The following RAPGEF4 variants were observed in gnomAD, a reference collection of about 807,000 sequenced individuals.
The protein encoded by RAPGEF4 is Rap guanine nucleotide exchange factor 4.
RAPGEF4 carries 66 observed loss-of-function variants against 147.9 expected under a neutral mutation model. The observed-to-expected ratio is 0.45, with a 90% CI of 0.37 to 0.55. The LOEUF is 0.55. Among genes scored for constraint, RAPGEF4 ranks in the 20% least tolerant of loss-of-function variants. The pLI, the probability that RAPGEF4 is intolerant of heterozygous loss-of-function variation, is 0.00. For synonymous variants in RAPGEF4, 419 were observed against 442.7 expected, an observed-to-expected ratio of 0.95 and a Z score of 0.67; for missense variants, 1,071 against 1,257.3, an observed-to-expected ratio of 0.85 and a Z score of 2.24.
chr2:173,024,803 C>T (rs1696501740), intron 23 of RAPGEF4, among the ~76,000 whole-genome samples: 1 of 152,182 alleles, frequency 6.6e-6, no homozygotes, highest in Admixed American at 6.5e-5. Context: ...ACACAAACTC[C>T]TAATCTGGTA....
At position 172,784,256 on chromosome 2, in the gene RAPGEF4, C is replaced by A. The variant is rs113307145; in HGVS notation, c.66-10769C>A. Reference sequence around the variant, plus strand: ...TTCCTGAGCCTGGAGCGGTGGCTCACGCCTGTAATCCCAGCACTTTGGGAA... The same window carrying A: ...TTCCTGAGCCTGGAGCGGTGGCTCAAGCCTGTAATCCCAGCACTTTGGGAA... On this transcript the variant is annotated intron_variant, in intron 1 of 30. Coordinates refer to ENST00000397081, the MANE Select transcript of RAPGEF4 (RefSeq NM_007023.4). Among the ~76,000 whole-genome samples, 189 of 152,258 alleles carry A rather than the reference C, an allele frequency of 1.2e-3. 1 individual carries two copies. Among genetic ancestry groups the A allele is most frequent in the African/African-American group, 4.0e-3 (165 of 41,554 alleles).
At chr2:172,841,832 A>G (rs1287772283) in intron 4 of RAPGEF4, among the ~76,000 whole-genome samples, 2 of 67,314 alleles carry the variant, frequency 3.0e-5, no homozygotes, top group Admixed American at 1.8e-4. Context: ...CACACACTAC[A>G]CACACACTAC....
chr2:172,986,208 C>G (rs1315142254), intron 12 of RAPGEF4, among the ~76,000 whole-genome samples: 1 of 152,232 alleles, frequency 6.6e-6, no homozygotes, highest in African/African-American at 2.4e-5. Context: ...TCACAGGACA[C>G]AGCAGCATGC....
At chr2:172,953,363 TAGAG>T (rs947522446) in intron 6 of RAPGEF4, among the ~76,000 whole-genome samples, 4 of 147,748 alleles carry the variant, frequency 2.7e-5, no homozygotes, top group African/African-American at 4.9e-5. Context: ...TATATATGTA[TAGAG>T]AGAATTATAT....
At chr2:172,983,437 G>A (rs1575440250) in intron 10 of RAPGEF4, 59 bp from the exon 11 acceptor site, 1 of 1,560,324 alleles carries the variant, frequency 6.4e-7, no homozygotes, top group East Asian at 2.2e-5. Flanking sequence ...CCGTTTCCAT[G>A]TTTGAGGCCC....
chr2:172,761,991 G>A (rs1158991742), intron 1 of RAPGEF4, among the ~76,000 whole-genome samples: 2 of 152,008 alleles, frequency 1.3e-5, no homozygotes, highest in African/African-American at 4.8e-5. Flanking sequence ...GGGTGGTAAC[G>A]AGCACCTGTA....
At chr2:172,739,456 C>T (rs1694114155) in intron 1 of RAPGEF4, among the ~76,000 whole-genome samples, 1 of 152,074 alleles carries the variant, frequency 6.6e-6, no homozygotes, top group East Asian at 1.9e-4. Flanking sequence ...ACTGCAACCT[C>T]CCCCTCCTGG....
chr2:172,891,675 G>A (rs528803669), intron 4 of RAPGEF4, among the ~76,000 whole-genome samples: 17 of 152,316 alleles, frequency 1.1e-4, no homozygotes, highest in Non-Finnish European at 2.5e-4. Flanking sequence ...GGTGCCTGAC[G>A]TCCTTTTCAA....
chr2:172,915,147 A>G (rs552594754), intron 4 of RAPGEF4, among the ~76,000 whole-genome samples: 2 of 152,346 alleles, frequency 1.3e-5, no homozygotes, highest in Admixed American at 6.5e-5. Context: ...ATTTACAAGT[A>G]TAAATATTTC....
At chr2:172,767,809 G>A (rs192323828) in intron 1 of RAPGEF4, among the ~76,000 whole-genome samples, 51 of 152,184 alleles carry the variant, frequency 3.4e-4, no homozygotes, top group African/African-American at 1.2e-3. Context: ...GATGACACTA[G>A]GTTCCAGAGT....
chr2:172,739,618 G>C (rs754334409), intron 1 of RAPGEF4, among the ~76,000 whole-genome samples: 2 of 152,132 alleles, frequency 1.3e-5, no homozygotes, highest in Non-Finnish European at 2.9e-5. Flanking sequence ...TGATCCGCTC[G>C]CCTTGGCCTC....
chr2:173,036,787 T>A, intron 29 of RAPGEF4, 95 bp downstream of exon 29: 1 of 830,580 alleles, frequency 1.2e-6, no homozygotes, highest in Non-Finnish European at 1.9e-6. Context: ...TATGCTGCCC[T>A]GCTAAAAAGG....
Position 173,020,621 on chromosome 2 carries a change from A to C in RAPGEF4, c.2159A>C (p.Lys720Thr), listed in dbSNP as rs760882869. Residue 720 changes from lysine (K) to threonine (T), a missense_variant, in exon 23 of 31, where the codon AAG (lysine) becomes ACG (threonine). By Grantham distance (78) the Lys-to-Thr change is moderately conservative (BLOSUM62 -1). Coordinates refer to ENST00000397081, the MANE Select transcript of RAPGEF4 (RefSeq NM_007023.4). ...IIVKMSSGGE[K>T]VVLKPNDVSV... is the part of the protein sequence containing the mutation. ...CTCATGCTTTTTATGTTCACAGAAAAGGTGGTGCTCAAACCTAATGATGTT... is the reference window on the plus strand; with the variant it reads ...CTCATGCTTTTTATGTTCACAGAAACGGTGGTGCTCAAACCTAATGATGTT... The C allele has an allele frequency of 1.2e-6, 2 of 1,612,370 alleles. No individual in the cohort carries two copies. The highest frequency in any genetic ancestry group is 3.3e-5 in the Admixed American group (2 of 59,844).
chr2:173,014,598 C>T lies in RAPGEF4; in HGVS notation c.1793C>T (p.Ser598Phe). ...YGDLLQEDDV[S>F]MAFLEEFYVS... ...GACCTCCTGCAAGAGGATGACGTGT[C>T]TATGGCCTTCCTGGAGGTAGGCAGG... is the stretch of plus-strand genomic sequence containing the variant. The change falls in exon 18 of 31, where the codon TCT becomes TTT. Residue 598 changes from serine (S) to phenylalanine (F), a missense_variant. Ser to Phe is a radical substitution (Grantham distance 155). Transcript: ENST00000397081. 1 of 1,613,324 alleles carries T rather than the reference C, an allele frequency of 6.2e-7. No individual in the cohort carries two copies. The highest frequency in any genetic ancestry group is 1.3e-5 in the African/African-American group (1 of 74,996).
intron 4 of RAPGEF4, among the ~76,000 whole-genome samples, chr2:172,836,845 C>A (rs1690992537): frequency 6.6e-6 from 1 of 152,188 alleles, no homozygotes; most frequent in African/African-American, 2.4e-5. Flanking sequence ...ATTCTCATTG[C>A]AGATCTGAAT....
chr2:172,798,039 TAGG>T (rs1431845197), intron 3 of RAPGEF4, among the ~76,000 whole-genome samples: 1 of 152,208 alleles, frequency 6.6e-6, no homozygotes, highest in East Asian at 1.9e-4. Flanking sequence ...ATCGGCCTTG[TAGG>T]AGATCTTGTG....
At chr2:172,961,285 G>A (rs1366644379) in intron 8 of RAPGEF4, 57 bp downstream of exon 8, 2 of 1,364,330 alleles carry the variant, frequency 1.5e-6, no homozygotes, top group Admixed American at 3.7e-5. Flanking sequence ...TAGTGAAAAT[G>A]GAACAAAAAT....
intron 1 of RAPGEF4, among the ~76,000 whole-genome samples, chr2:172,762,361 A>C (rs1228922805): frequency 2.6e-5 from 4 of 152,070 alleles, no homozygotes; most frequent in African/African-American, 9.7e-5. Flanking sequence ...CCTGGCCTCC[A>C]CTGTTTCTTT....
At chr2:172,918,062 G>A (rs1212449819) in intron 5 of RAPGEF4, 188 bp downstream of exon 5, 1 of 743,766 alleles carries the variant, frequency 1.3e-6, no homozygotes. Flanking sequence ...TTAGTCTGTG[G>A]TCTTAGCTGA....
Sources: gnomAD v4.1 joint callset for allele counts (sites outside exome capture counted in the v4.1 genomes callset) on GRCh38, gnomAD v4.1.1 for gene constraint, MANE v1.5 for transcripts, NCBI Gene and HGNC (gene_info 2026-07-23, HGNC 2026-07-21) for gene names.